TASP1: variants seen among roughly 807,000 people sequenced by gnomAD.
The protein encoded by TASP1 is threonine aspartase 1.
TASP1 carries 16 observed loss-of-function variants against 56.6 expected under a neutral mutation model. That is an observed-to-expected ratio of 0.28 (90% CI 0.19 to 0.43). The LOEUF is 0.43. Ranked by LOEUF, TASP1 falls within the 20% of genes least tolerant of loss-of-function variation. The pLI, the probability that TASP1 is intolerant of heterozygous loss-of-function variation, is 1.00. For synonymous variants in TASP1, 179 were observed against 184.2 expected (o/e 0.97, Z 0.23); for missense variants, 393 against 511.6 (o/e 0.77, Z 2.24).
chr20:13,622,955 C>T (rs1473671229), intron 4 of TASP1, among the ~76,000 whole-genome samples: 4 of 152,096 alleles, frequency 2.6e-5, no homozygotes, highest in Non-Finnish European at 4.4e-5. Flanking sequence ...CTCAATTATT[C>T]GATGTCCACA....
intron 10 of TASP1, among the ~76,000 whole-genome samples, chr20:13,504,800 A>T (rs1390736768): frequency 2.0e-5 from 3 of 152,160 alleles, no homozygotes; most frequent in African/African-American, 7.2e-5. Context: ...ATAACTATAC[A>T]ATTTTTATGT....
At chr20:13,625,858 A>ATGAGAATT (rs1174817307) in intron 2 of TASP1, among the ~76,000 whole-genome samples, 9 of 152,216 alleles carry the variant, frequency 5.9e-5, no homozygotes, top group African/African-American at 1.9e-4. Context: ...ATGACTCTCT[A>ATGAGAATT]TGAGAATTCC....
At chr20:13,221,354 G>A in the TASP1 span, among the ~76,000 whole-genome samples, 2 of 147,802 alleles carry the variant, frequency 1.4e-5, no homozygotes, top group Non-Finnish European at 3.0e-5. Flanking sequence ...GCGCCCATGT[G>A]CGCTCGGGGG....
chr20:13,417,544 T>C (rs368294675), intron 12 of TASP1, 23 bp from the exon 13 acceptor site: 184 of 1,612,958 alleles, frequency 1.1e-4, no homozygotes, highest in Non-Finnish European at 1.4e-4. Flanking sequence ...AGAACACAAA[T>C]AGGCACATTC....
At chr20:13,339,778 G>A in the TASP1 span, among the ~76,000 whole-genome samples, 1 of 151,888 alleles carries the variant, frequency 6.6e-6, no homozygotes, top group African/African-American at 2.4e-5. Flanking sequence ...TGGTTTAGAT[G>A]ATGAGAGGAG....
intron 13 of TASP1, chr20:13,393,781 C>G (rs2041387208): frequency 1.6e-6 from 1 of 607,600 alleles, no homozygotes; most frequent in African/African-American, 1.8e-5. Flanking sequence ...GAGAATCTCC[C>G]CTCCTCACAA....
At chr20:13,331,424 T>C in the TASP1 span, among the ~76,000 whole-genome samples, 1 of 152,268 alleles carries the variant, frequency 6.6e-6, no homozygotes, top group South Asian at 2.1e-4. Context: ...ATCAAAAATT[T>C]TAAGTGCATT....
chr20:13,607,205 C>T (rs2048190523), intron 4 of TASP1, among the ~76,000 whole-genome samples: 1 of 152,154 alleles, frequency 6.6e-6, no homozygotes, highest in African/African-American at 2.4e-5. Context: ...GTGAGATGCC[C>T]TTTGACTAAC....
intron 11 of TASP1, among the ~76,000 whole-genome samples, chr20:13,480,412 G>A (rs1308852414): frequency 1.3e-5 from 2 of 152,150 alleles, no homozygotes; most frequent in East Asian, 3.9e-4. Context: ...TGGTTAACAA[G>A]ATGACTTTTG....
chr20:13,409,775 T>C (rs770053390), intron 13 of TASP1, among the ~76,000 whole-genome samples: 1 of 152,210 alleles, frequency 6.6e-6, no homozygotes, highest in Non-Finnish European at 1.5e-5. Context: ...TATGATCAAG[T>C]CAGGGTATTT....
chr20:13,255,364 G>A, the TASP1 span, among the ~76,000 whole-genome samples: 1 of 152,172 alleles, frequency 6.6e-6, no homozygotes, highest in African/African-American at 2.4e-5. Context: ...GTACAGTTGA[G>A]TTTACAGTTC....
the TASP1 span, chr20:13,164,995 A>C: frequency 4.5e-6 from 3 of 660,616 alleles, no homozygotes; most frequent in Non-Finnish European, 7.6e-6. Context: ...GCTTGATTGA[A>C]CTGAGGGAGA....
chr20:13,428,522 T>C (rs1427406771), intron 12 of TASP1, among the ~76,000 whole-genome samples: 2 of 152,230 alleles, frequency 1.3e-5, no homozygotes, highest in African/African-American at 4.8e-5. Context: ...ATTTTTTCTC[T>C]AAAAGCAGAG....
chr20:13,523,334 A>G (rs2044839195), intron 10 of TASP1, among the ~76,000 whole-genome samples: 1 of 152,170 alleles, frequency 6.6e-6, no homozygotes, highest in African/African-American at 2.4e-5. Flanking sequence ...TGCCTTCCAC[A>G]TACCCTTAAA....
chr20:13,473,729 C>T (rs2044610639), intron 11 of TASP1, among the ~76,000 whole-genome samples: 1 of 152,176 alleles, frequency 6.6e-6, no homozygotes, highest in African/African-American at 2.4e-5. Context: ...ATGACACCTT[C>T]CTCTGCTTCT....
At chr20:13,366,310 T>C in the TASP1 span, among the ~76,000 whole-genome samples, 2 of 152,044 alleles carry the variant, frequency 1.3e-5, no homozygotes, top group African/African-American at 4.8e-5. Context: ...AGACCACCAA[T>C]GTTCAGAGGT....
chr20:13,164,804 C>T, the TASP1 span: 1 of 1,613,770 alleles, frequency 6.2e-7, no homozygotes, highest in Admixed American at 1.7e-5. Context: ...TGAAATATTC[C>T]CGGCACAAGA....
chr20:13,327,332 T>C, the TASP1 span, among the ~76,000 whole-genome samples: 1 of 152,114 alleles, frequency 6.6e-6, no homozygotes, highest in African/African-American at 2.4e-5. Flanking sequence ...GAGCAACATT[T>C]CATGCACAAG....
chr20:13,528,974 C>T (rs1253777144), intron 9 of TASP1, among the ~76,000 whole-genome samples: 1 of 152,140 alleles, frequency 6.6e-6, no homozygotes, highest in Non-Finnish European at 1.5e-5. Flanking sequence ...GTACTGTTAA[C>T]CAGGGCCATG....
Sources: allele counts gnomAD v4.1 joint callset (sites outside exome capture counted in the v4.1 genomes callset), GRCh38; gene constraint gnomAD v4.1.1; transcripts MANE v1.5; gene names NCBI Gene and HGNC (gene_info 2026-07-23, HGNC 2026-07-21).